EFNB2: variants seen among roughly 807,000 people sequenced by gnomAD.
The protein encoded by EFNB2 is ephrin B2.
A neutral mutation model predicts 32.1 loss-of-function variants in EFNB2; 5 were observed. That is an observed-to-expected ratio of 0.16 (90% CI 0.08 to 0.33). The LOEUF is 0.33. Ranked by LOEUF, EFNB2 falls within the 10% of genes least tolerant of loss-of-function variation. The pLI, the probability that EFNB2 is intolerant of heterozygous loss-of-function variation, is 1.00. For synonymous variants in EFNB2, 168 were observed against 166.5 expected (o/e 1.01, Z -0.07); for missense variants, 263 against 422.6 (o/e 0.62, Z 3.31).
Position 106,493,565 on chromosome 13 carries a change from T to G in EFNB2, c.614-137A>C. 8.6e-7 allele frequency: 1 copy of G among 1,168,050 alleles called. No homozygotes were observed. The highest frequency in any genetic ancestry group is 1.2e-6 in the Non-Finnish European group (1 of 850,750). The allele number at this position is 1,168,050 out of a possible 1,614,324, so 72.4% of individuals were successfully genotyped here. A position where few individuals can be genotyped will look rare whatever the true frequency, so the allele number is the denominator to read the frequency against. On this transcript the variant is annotated intron_variant, in intron 4 of 4. Coordinates refer to ENST00000646441, the MANE Select transcript of EFNB2 (RefSeq NM_004093.4). This position sits in a 1 kb window ranked among gnomAD's most constrained non-coding sequence, Gnocchi z 6.1. ...TAGAAGCTGGACTTTGCCTCGCCAA[T>G]ACCTCGTCTAAGAGCTCAACGCAAA... is the stretch of plus-strand genomic sequence containing the variant.
intron 2 of EFNB2, among the ~76,000 whole-genome samples, chr13:106,503,293 C>A (rs751661166): frequency 6.6e-6 from 1 of 152,082 alleles, no homozygotes; most frequent in East Asian, 1.9e-4. Context: ...AAAAGCTTTT[C>A]TTCTAGTATA....
chr13:106,517,884 T>C (rs1856011913), intron 1 of EFNB2: 1 of 152,218 alleles, frequency 6.6e-6, no homozygotes. Context: ...TAAGCCAAGC[T>C]TTTTCAAGTT....
At chr13:106,498,104 C>G (rs1878650860) in intron 2 of EFNB2, among the ~76,000 whole-genome samples, 1 of 152,038 alleles carries the variant, frequency 6.6e-6, no homozygotes, top group African/African-American at 2.4e-5. Context: ...GTTACTTACT[C>G]AAAGTAAGTA....
intron 2 of EFNB2, among the ~76,000 whole-genome samples, chr13:106,498,510 C>T (rs996497341): frequency 1.3e-5 from 2 of 152,080 alleles, no homozygotes; most frequent in Admixed American, 1.3e-4. Flanking sequence ...GGGGTCTTGA[C>T]AACCACAAAT....
intron 2 of EFNB2, 29 bp from the exon 3 acceptor site, chr13:106,495,869 A>C: frequency 6.3e-7 from 1 of 1,585,260 alleles, no homozygotes; most frequent in Non-Finnish European, 8.6e-7. Context: ...GACAAAACAA[A>C]AAAATAAAGA....
At chr13:106,530,877 C>G (rs1158792284) in intron 1 of EFNB2, among the ~76,000 whole-genome samples, 1 of 152,210 alleles carries the variant, frequency 6.6e-6, no homozygotes, top group Admixed American at 6.5e-5. Flanking sequence ...ACTGATCCAC[C>G]AACCGAAGGA....
At chr13:106,527,374 CCA>C (rs1184650591) in intron 1 of EFNB2, among the ~76,000 whole-genome samples, 1 of 152,094 alleles carries the variant, frequency 6.6e-6, no homozygotes, top group East Asian at 1.9e-4. Context: ...TGTATGCCCA[CCA>C]CAGAGTAGTT....
chr13:106,501,238 A>G (rs1269080920), intron 2 of EFNB2, among the ~76,000 whole-genome samples: 2 of 152,246 alleles, frequency 1.3e-5, no homozygotes, highest in African/African-American at 4.8e-5. Flanking sequence ...ACTGAATGCC[A>G]AAAATAAATG....
rs1184966445 is a variant in EFNB2, at chr13:106,489,883, G to A, written c.*3157C>T. Reference sequence around the variant, plus strand: ...AAAGCAGATTTAAAACCTATGACAGGCTATTAAAATAAAACAAAGAAAGAA... The same window carrying A: ...AAAGCAGATTTAAAACCTATGACAGACTATTAAAATAAAACAAAGAAAGAA... On this transcript the variant is annotated 3_prime_UTR_variant, in exon 5 of 5. Transcript: ENST00000646441. 1 of 152,380 alleles carries A rather than the reference G, an allele frequency of 6.6e-6. No homozygotes were observed. The highest frequency in any genetic ancestry group is 2.4e-5 in the African/African-American group (1 of 41,346). The allele number at this position is 152,380 out of a possible 1,614,324, so 9.4% of individuals were successfully genotyped here.
intron 1 of EFNB2, among the ~76,000 whole-genome samples, chr13:106,531,563 A>G (rs1484514670): frequency 6.6e-6 from 1 of 152,236 alleles, no homozygotes; most frequent in East Asian, 1.9e-4. Flanking sequence ...GACACAATGG[A>G]AGGCAGGCTG....
chr13:106,499,788 A>G (rs1878711063), intron 2 of EFNB2, among the ~76,000 whole-genome samples: 1 of 152,198 alleles, frequency 6.6e-6, no homozygotes, highest in Non-Finnish European at 1.5e-5. Flanking sequence ...AGGCTTAATA[A>G]AGATACATGG....
chr13:106,534,783 G>A (rs1241150208), intron 1 of EFNB2, 60 bp downstream of exon 1: 3 of 1,544,056 alleles, frequency 1.9e-6, no homozygotes, highest in Admixed American at 2.0e-5. Context: ...CCCTCCTCCC[G>A]CCCGGACGGC....
In EFNB2 at chr13:106,492,697, GC is replaced by G. The variant is rs1878448218; in HGVS notation, c.*342del. 9.1e-6 allele frequency: 2 copies of G among 220,520 alleles called. No individual in the cohort carries two copies. The highest frequency in any genetic ancestry group is 2.2e-4 in the South Asian group (2 of 8,904). The allele number at this position is 220,520 out of a possible 1,614,324, so 13.7% of individuals were successfully genotyped here. On this transcript the variant is annotated 3_prime_UTR_variant, in exon 5 of 5. Transcript: ENST00000646441. The surrounding 1 kb of genome is among the most constrained non-coding windows in gnomAD (Gnocchi z 5.1). ...TGGGGCACCTGCCAGGATGCTCACA[GC>G]CCTCTCGTCCACAAACCACTGTCTT...
chr13:106,501,211 T>C (rs1485201969), intron 2 of EFNB2, among the ~76,000 whole-genome samples: 1 of 152,206 alleles, frequency 6.6e-6, no homozygotes, highest in Non-Finnish European at 1.5e-5. Context: ...GTTCTAAACA[T>C]GGAAATGATA....
At chr13:106,527,617 A>T (rs1440397241) in intron 1 of EFNB2, among the ~76,000 whole-genome samples, 2 of 152,222 alleles carry the variant, frequency 1.3e-5, no homozygotes, top group Non-Finnish European at 2.9e-5. Context: ...ACATGAAAGG[A>T]AAATATGTTA....
At chr13:106,509,162 T>C (rs936373164) in intron 2 of EFNB2, among the ~76,000 whole-genome samples, 5 of 152,200 alleles carry the variant, frequency 3.3e-5, no homozygotes, top group Non-Finnish European at 4.4e-5. Flanking sequence ...ACTTTCTCAT[T>C]AAGCTTAGGA....
intron 1 of EFNB2, among the ~76,000 whole-genome samples, chr13:106,534,456 C>T (rs1879988115): frequency 6.6e-6 from 1 of 152,218 alleles, no homozygotes; most frequent in Non-Finnish European, 1.5e-5. Flanking sequence ...AATGCAGCAT[C>T]TCCGCCTCTC....
intron 2 of EFNB2, among the ~76,000 whole-genome samples, chr13:106,497,695 C>G (rs943367401): frequency 2.0e-5 from 3 of 152,110 alleles, no homozygotes; most frequent in Non-Finnish European, 2.9e-5. Context: ...CCCCCAGTCC[C>G]CCACCTCACG....
At chr13:106,522,465 G>C (rs1879555917) in intron 1 of EFNB2, among the ~76,000 whole-genome samples, 2 of 152,192 alleles carry the variant, frequency 1.3e-5, no homozygotes, top group Admixed American at 6.5e-5. Flanking sequence ...TCTTGTTTTA[G>C]ATATGAGTGT....
Sources: gnomAD v4.1 joint callset for allele counts (sites outside exome capture counted in the v4.1 genomes callset) on GRCh38, gnomAD v4.1.1 for gene constraint, Gnocchi (gnomAD v3.1) non-coding constraint, MANE v1.5 for transcripts, NCBI Gene and HGNC (gene_info 2026-07-23, HGNC 2026-07-21) for gene names.